ATG4B: variants seen among roughly 807,000 people sequenced by gnomAD.
ATG4B encodes the protein autophagy related 4B cysteine peptidase.
ATG4B carries 29 observed loss-of-function variants against 56.6 expected under a neutral mutation model. The ratio of observed to expected loss-of-function variants is 0.51; its 90% CI spans 0.38 to 0.70. ATG4B has a LOEUF of 0.70. Among genes scored for constraint, ATG4B ranks in the 30% least tolerant of loss-of-function variants. The probability of loss-of-function intolerance (pLI) is 0.00; values close to 1 mark genes in which losing one functional copy is unlikely to be tolerated. For synonymous variants in ATG4B, 224 were observed against 206.1 expected (o/e 1.09, Z -0.74); for missense variants, 461 against 515.5 (o/e 0.89, Z 1.02).
In ATG4B at chr2:241,668,550, C is replaced by A; in HGVS notation, c.822C>A (p.Leu274=). 1 of 1,609,322 alleles carries A rather than the reference C, an allele frequency of 6.2e-7. No individual in the cohort carries two copies. The highest frequency in any genetic ancestry group is 2.2e-5 in the East Asian group (1 of 44,760). The part of the protein sequence containing the change: ...HYFIGYVGEE[L]IYLDPHTTQP... ...GCCTCATCCTCCCAGGTGAGGAGCT[C>A]ATCTACCTGGACCCCCACACCACGC... The change falls in exon 10 of 13, where the codon CTC becomes CTA. Residue 274 remains leucine, a synonymous_variant. Coordinates refer to ENST00000404914, the MANE Select transcript of ATG4B (RefSeq NM_013325.5). The surrounding 1 kb of genome is among the most constrained non-coding windows in gnomAD (Gnocchi z 4.2).
Position 241,651,893 on chromosome 2 carries a change from A to C in ATG4B, c.184+558A>C. Reference sequence around the variant, plus strand: ...TGCATTCTGTTAAAAGCCATTCATCATTGTTGTATACCCTGGAGCTGGAAG... The same window carrying C: ...TGCATTCTGTTAAAAGCCATTCATCCTTGTTGTATACCCTGGAGCTGGAAG... On this transcript the variant is annotated intron_variant, in intron 3 of 12. Transcript: ENST00000404914. The surrounding 1 kb of genome is among the most constrained non-coding windows in gnomAD (Gnocchi z 4.1). 7.7e-7 allele frequency: 1 copy of C among 1,303,944 alleles called. No individual in the cohort carries two copies. The highest frequency in any genetic ancestry group is 1.0e-6 in the Non-Finnish European group (1 of 988,716). 80.8% of individuals were successfully genotyped at this position (1,303,944 alleles called of 1,614,324 possible).
chr2:241,659,429 G>A (rs930577058), intron 7 of ATG4B: 18 of 581,314 alleles, frequency 3.1e-5, no homozygotes, highest in African/African-American at 1.3e-4. Context: ...ATCTCACGTC[G>A]TGTTTTGTGT....
At position 241,651,997 on chromosome 2, in the gene ATG4B, G is replaced by A; in HGVS notation, c.184+662G>A. 1 of 1,301,304 alleles carries A rather than the reference G, an allele frequency of 7.7e-7. No homozygotes were observed. Among genetic ancestry groups the A allele is most frequent in the Non-Finnish European group, 1.0e-6 (1 of 986,698 alleles). The allele number at this position is 1,301,304 out of a possible 1,614,324, so 80.6% of individuals were successfully genotyped here. ...GAGGTGAGGGCCGGGCTGGCGTCAT[G>A]CTTCCTCAGTGCCAGGTCAGGGTTT... On this transcript the variant is annotated intron_variant, in intron 3 of 12. Transcript: ENST00000404914. The surrounding 1 kb of genome is among the most constrained non-coding windows in gnomAD (Gnocchi z 4.1).
At chr2:241,643,831 G>A (rs2067984867) in intron 1 of ATG4B, among the ~76,000 whole-genome samples, 1 of 151,732 alleles carries the variant, frequency 6.6e-6, no homozygotes, top group African/African-American at 2.4e-5. Flanking sequence ...CTAAAGTGCT[G>A]GGATTACAGG....
chr2:241,666,920 C>T (rs929932298), intron 8 of ATG4B, 82 bp downstream of exon 8: 6 of 1,460,606 alleles, frequency 4.1e-6, no homozygotes, highest in South Asian at 2.5e-5. Context: ...ATCGTCGTCA[C>T]GTGGCCATTT....
At chr2:241,645,871 G>A (rs528728185) in intron 1 of ATG4B, among the ~76,000 whole-genome samples, 20 of 152,282 alleles carry the variant, frequency 1.3e-4, no homozygotes, top group Admixed American at 1.2e-3. Flanking sequence ...GCCGGAGTGC[G>A]TTTCTCTGGA....
At chr2:241,659,265 C>T (rs780504057) in intron 7 of ATG4B, 78 bp downstream of exon 7, 37 of 1,305,536 alleles carry the variant, frequency 2.8e-5, no homozygotes, top group Middle Eastern at 1.8e-4. Context: ...TGAGTCCCCA[C>T]GGGAGCCTCG....
chr2:241,664,912 C>T lies in ATG4B; in HGVS notation c.539-1733C>T, dbSNP rs137884812. On this transcript the variant is annotated intron_variant, in intron 7 of 12. Transcript: ENST00000404914. ...CCAGAAGGCGGAGGTTGCAGTGAAC[C>T]GAGATTATGCCACTGCACTCCAGCC... is the stretch of plus-strand genomic sequence containing the variant. Among the ~76,000 whole-genome samples, 212 of 152,130 alleles carry T rather than the reference C, an allele frequency of 1.4e-3. 1 individual carries two copies. The highest frequency in any genetic ancestry group is 4.3e-3 in the African/African-American group (179 of 41,492).
intron 1 of ATG4B, among the ~76,000 whole-genome samples, chr2:241,641,788 G>C (rs182022019): frequency 5.9e-5 from 9 of 152,286 alleles, no homozygotes; most frequent in African/African-American, 2.2e-4. Flanking sequence ...TGTGAATGTG[G>C]GTGGGAAAGA....
rs1310720150 is a variant in ATG4B, at chr2:241,651,857, T to C, written c.184+522T>C. 1.6e-6 allele frequency: 2 copies of C among 1,284,516 alleles called. No homozygotes were observed. 79.6% of individuals were successfully genotyped at this position (1,284,516 alleles called of 1,614,324 possible). ...CAGGTGAATGTGACATGTTTTTATG[T>C]AACACTAAGGTGCATTCTGTTAAAA... On this transcript the variant is annotated intron_variant, in intron 3 of 12. Coordinates refer to ENST00000404914, the MANE Select transcript of ATG4B (RefSeq NM_013325.5). This position sits in a 1 kb window ranked among gnomAD's most constrained non-coding sequence, Gnocchi z 4.1.
At chr2:241,637,983 C>T (rs1297253730) in intron 1 of ATG4B, among the ~76,000 whole-genome samples, 1 of 151,598 alleles carries the variant, frequency 6.6e-6, no homozygotes, top group African/African-American at 2.4e-5. Flanking sequence ...CGGTCCCGTC[C>T]GGAGCGCTCC....
At position 241,652,078 on chromosome 2, in the gene ATG4B, A is replaced by G. The variant is rs535706286; in HGVS notation, c.184+743A>G. On this transcript the variant is annotated intron_variant, in intron 3 of 12. Coordinates refer to ENST00000404914, the MANE Select transcript of ATG4B (RefSeq NM_013325.5). ...TATCCTGAAGTGAGGTGGAAGTCAA[A>G]TAGCCACAACGGCTGGACATTGGAG... The G allele has an allele frequency of 9.2e-6, 7 of 762,296 alleles. No individual in the cohort carries two copies. In the East Asian group the frequency reaches 4.5e-4, roughly 49 times the overall value. 47.2% of individuals were successfully genotyped at this position (762,296 alleles called of 1,614,324 possible).
rs373997441 is a variant in ATG4B, at chr2:241,651,226, T to G, written c.113-38T>G. 228 of 1,520,608 alleles carry G rather than the reference T, an allele frequency of 1.5e-4. 1 individual carries two copies. The African/African-American group carries it at 2.9e-3, about 19-fold the overall frequency. The allele number at this position is 1,520,608 out of a possible 1,614,324, so 94.2% of individuals were successfully genotyped here. A position where few individuals can be genotyped will look rare whatever the true frequency, so the allele number is the denominator to read the frequency against. On this transcript the variant is annotated intron_variant, in intron 2 of 12. Transcript: ENST00000404914. The surrounding 1 kb of genome is among the most constrained non-coding windows in gnomAD (Gnocchi z 4.1). ...CTTGTGACTTGCAAACTTAAGGCGT[T>G]GTGTGTGTGTGTTTTTTTTCTTTTA...
intron 1 of ATG4B, among the ~76,000 whole-genome samples, chr2:241,639,953 A>G (rs2067834579): frequency 2.0e-5 from 3 of 152,198 alleles, no homozygotes; most frequent in Admixed American, 1.3e-4. Flanking sequence ...TTCAGGCTTT[A>G]AACTGTGGCT....
chr2:241,658,151 C>G (rs2068468869), intron 6 of ATG4B, among the ~76,000 whole-genome samples: 2 of 152,202 alleles, frequency 1.3e-5, no homozygotes, highest in Non-Finnish European at 2.9e-5. Flanking sequence ...GTCAGCTTTG[C>G]CAGTGCTGCT....
intron 7 of ATG4B, among the ~76,000 whole-genome samples, chr2:241,664,000 G>A (rs930050029): frequency 2.0e-5 from 3 of 151,890 alleles, no homozygotes; most frequent in East Asian, 1.9e-4. Context: ...AGTGGAGATG[G>A]GGTTTCACCA....
chr2:241,652,107 A>T, intron 3 of ATG4B: 2 of 466,504 alleles, frequency 4.3e-6, no homozygotes, highest in Non-Finnish European at 7.5e-6. Context: ...ATTGGAGAAC[A>T]CTGACGCGTA....
chr2:241,648,594 C>CAAA (rs35764376), intron 1 of ATG4B, among the ~76,000 whole-genome samples: 1 of 135,456 alleles, frequency 7.4e-6, no homozygotes. Flanking sequence ...GTCCCGGTCT[C>CAAA]AAAAAAAAAA....
At chr2:241,664,656 C>T (rs1423424246) in intron 7 of ATG4B, among the ~76,000 whole-genome samples, 2 of 152,070 alleles carry the variant, frequency 1.3e-5, no homozygotes, top group Non-Finnish European at 2.9e-5. Flanking sequence ...CTGGACAACT[C>T]CCTCTCTATA....
Sources: gnomAD v4.1 joint callset for allele counts (sites outside exome capture counted in the v4.1 genomes callset) on GRCh38, gnomAD v4.1.1 for gene constraint, Gnocchi (gnomAD v3.1) non-coding constraint, MANE v1.5 for transcripts, NCBI Gene and HGNC (gene_info 2026-07-23, HGNC 2026-07-21) for gene names.